The following RNLS variants were observed in gnomAD, a reference collection of about 807,000 sequenced individuals.
RNLS encodes renalase, FAD dependent amine oxidase, also known as renalase.
RNLS carries 39 observed loss-of-function variants against 39.8 expected under a neutral mutation model. The observed-to-expected ratio is 0.98, with a 90% CI of 0.76 to 1.28. RNLS has a LOEUF of 1.28. RNLS is among the 50% of genes most tolerant of loss of function. The probability of loss-of-function intolerance (pLI) is 0.00; values close to 1 mark genes in which losing one functional copy is unlikely to be tolerated. For missense variants in RNLS, 410 were observed against 413.3 expected (o/e 0.99, Z 0.07); for synonymous variants, 147 against 150.7 (o/e 0.98, Z 0.18).
At chr10:88,267,674 C>T in the RNLS span, among the ~76,000 whole-genome samples, 2 of 152,152 alleles carry the variant, frequency 1.3e-5, no homozygotes, top group African/African-American at 4.8e-5. Flanking sequence ...ACCAGGAGAA[C>T]ACAAAACCTA....
chr10:88,564,632 A>C (rs536529686), intron 4 of RNLS, among the ~76,000 whole-genome samples: 95 of 152,318 alleles, frequency 6.2e-4, no homozygotes, highest in African/African-American at 2.0e-3. Context: ...TGAGGTTCAC[A>C]TCTCAGTTTC....
At chr10:88,543,276 A>G (rs1334047619) in intron 4 of RNLS, among the ~76,000 whole-genome samples, 1 of 152,008 alleles carries the variant, frequency 6.6e-6, no homozygotes, top group East Asian at 1.9e-4. Flanking sequence ...ATTTTCATCC[A>G]CAGCTCCCAG....
At chr10:88,173,461 A>G in the RNLS span, among the ~76,000 whole-genome samples, 1 of 152,140 alleles carries the variant, frequency 6.6e-6, no homozygotes, top group Non-Finnish European at 1.5e-5. Flanking sequence ...TGCTTTGGCT[A>G]TTCATGGTTA....
At chr10:88,464,905 C>T (rs1470724026) in intron 4 of RNLS, among the ~76,000 whole-genome samples, 1 of 152,096 alleles carries the variant, frequency 6.6e-6, no homozygotes, top group Non-Finnish European at 1.5e-5. Flanking sequence ...TAGGGAAGGA[C>T]ATCAGTGGGC....
the RNLS span, among the ~76,000 whole-genome samples, chr10:88,236,259 C>A: frequency 9.9e-5 from 15 of 152,206 alleles, no homozygotes; most frequent in African/African-American, 3.1e-4. Flanking sequence ...ACTGTTGGCA[C>A]ACTTCTTGTC....
chr10:88,357,811 T>C (rs971677978), intron 5 of RNLS, among the ~76,000 whole-genome samples: 1 of 152,162 alleles, frequency 6.6e-6, no homozygotes, highest in Non-Finnish European at 1.5e-5. Context: ...CATCCACAGA[T>C]TGATGCCTAT....
intron 6 of RNLS, among the ~76,000 whole-genome samples, chr10:88,300,883 T>C (rs1484865195): frequency 6.6e-6 from 1 of 152,200 alleles, no homozygotes; most frequent in Non-Finnish European, 1.5e-5. Context: ...ATAGACCAAG[T>C]AGATTTACTC....
chr10:88,387,766 G>A (rs1564756974), intron 4 of RNLS, among the ~76,000 whole-genome samples: 1 of 152,174 alleles, frequency 6.6e-6, no homozygotes, highest in Non-Finnish European at 1.5e-5. Flanking sequence ...GTGTTGTGGA[G>A]ATAATGATTT....
intron 4 of RNLS, among the ~76,000 whole-genome samples, chr10:88,525,131 T>C (rs574650119): frequency 6.6e-6 from 1 of 151,710 alleles, no homozygotes; most frequent in Admixed American, 6.6e-5. Flanking sequence ...TTTGTGTGTA[T>C]GTGTGTGTAT....
the RNLS span, among the ~76,000 whole-genome samples, chr10:88,208,696 A>G: frequency 6.6e-6 from 1 of 152,140 alleles, no homozygotes; most frequent in African/African-American, 2.4e-5. Flanking sequence ...AGAAGTATAA[A>G]TGCTGCTTAT....
the RNLS span, among the ~76,000 whole-genome samples, chr10:88,230,825 T>C: frequency 0.5 from 75,989 of 152,144 alleles, 19,079 homozygotes; most frequent in East Asian, 0.56. Flanking sequence ...AAGAAGTCTA[T>C]GGGATTGATA....
At chr10:88,287,300 C>T (rs928610950) in intron 6 of RNLS, among the ~76,000 whole-genome samples, 12 of 152,066 alleles carry the variant, frequency 7.9e-5, no homozygotes, top group Non-Finnish European at 1.6e-4. Context: ...ACAGCAACAT[C>T]ATCTATCACA....
At chr10:88,213,507 G>C in the RNLS span, among the ~76,000 whole-genome samples, 1 of 151,970 alleles carries the variant, frequency 6.6e-6, no homozygotes, top group Non-Finnish European at 1.5e-5. Flanking sequence ...AAGTGGTCCC[G>C]TGCTTTTTCT....
rs576883711 is a variant in RNLS at position 88,444,200 on chromosome 10, T to C, written c.527-81475A>G. Among the ~76,000 whole-genome samples the C allele has an allele frequency of 1.9e-4, 29 of 152,330 alleles. 1 individual carries two copies. The highest frequency in any genetic ancestry group is 4.8e-4 in the African/African-American group (20 of 41,578). On this transcript the variant is annotated intron_variant, in intron 4 of 6. Transcript: ENST00000331772. ...TTCTGCAGCCTCTGCTGCTGATACC[T>C]AGGCAAACAGGGTCTGGAGTGGACC... is the stretch of plus-strand genomic sequence containing the variant.
chr10:88,435,164 T>A (rs1392860776), intron 4 of RNLS, among the ~76,000 whole-genome samples: 1 of 152,062 alleles, frequency 6.6e-6, no homozygotes, highest in Admixed American at 6.6e-5. Context: ...TTACTTTCCT[T>A]CTCTGCCTCT....
At chr10:88,317,607 T>C (rs1433701511) in intron 5 of RNLS, among the ~76,000 whole-genome samples, 1 of 152,224 alleles carries the variant, frequency 6.6e-6, no homozygotes. Flanking sequence ...TTAACCTATT[T>C]TACATATACA....
At chr10:88,221,384 C>T in the RNLS span, among the ~76,000 whole-genome samples, 5 of 152,208 alleles carry the variant, frequency 3.3e-5, no homozygotes, top group African/African-American at 7.2e-5. Flanking sequence ...CTTGAACTGT[C>T]GTCTTTTCTT....
the RNLS span, among the ~76,000 whole-genome samples, chr10:88,172,510 T>A: frequency 6.6e-6 from 1 of 152,186 alleles, no homozygotes; most frequent in Non-Finnish European, 1.5e-5. Flanking sequence ...CCTTTCTCCA[T>A]TTTTAGACTG....
intron 4 of RNLS, among the ~76,000 whole-genome samples, chr10:88,426,366 T>C (rs7921352): frequency 0.69 from 104,995 of 151,834 alleles, 37,030 homozygotes; most frequent in African/African-American, 0.84. Flanking sequence ...GTCTTCAATA[T>C]TGTAACATAG....
Sources: allele counts gnomAD v4.1 joint callset (sites outside exome capture counted in the v4.1 genomes callset), GRCh38; gene constraint gnomAD v4.1.1; transcripts MANE v1.5; gene names NCBI Gene and HGNC (gene_info 2026-07-23, HGNC 2026-07-21).